FGF14: variants seen among roughly 807,000 people sequenced by gnomAD.
FGF14 encodes the protein fibroblast growth factor homologous factor 4.
FGF14 carries 5 observed loss-of-function variants against 25.5 expected under a neutral mutation model. That is an observed-to-expected ratio of 0.20 (90% CI 0.10 to 0.41). The LOEUF (loss-of-function observed/expected upper bound fraction) is 0.41. FGF14 is among the 10% of genes least tolerant of loss of function. FGF14 has a pLI of 1.00. For synonymous variants in FGF14, 138 were observed against 118.3 expected, an observed-to-expected ratio of 1.17 and a Z score of -1.08; for missense variants, 222 against 320.1, an observed-to-expected ratio of 0.69 and a Z score of 2.34.
chr13:101,933,568 A>G (rs1234903725), intron 1 of FGF14, among the ~76,000 whole-genome samples: 1 of 152,174 alleles, frequency 6.6e-6, no homozygotes, highest in African/African-American at 2.4e-5. Context: ...TACTAAAAAT[A>G]CAAAAATTAT....
intron 1 of FGF14, among the ~76,000 whole-genome samples, chr13:102,376,235 G>C (rs1174820365): frequency 1.3e-5 from 2 of 151,924 alleles, no homozygotes; most frequent in African/African-American, 4.8e-5. Context: ...AGATCTGACG[G>C]TTTATACATG....
At chr13:101,993,139 T>C (rs2038994005) in intron 1 of FGF14, among the ~76,000 whole-genome samples, 1 of 151,472 alleles carries the variant, frequency 6.6e-6, no homozygotes, top group Admixed American at 6.6e-5. Flanking sequence ...GACTTCTCTT[T>C]AGAAATCACA....
chr13:101,966,713 C>T (rs1427249571), intron 1 of FGF14, among the ~76,000 whole-genome samples: 1 of 152,102 alleles, frequency 6.6e-6, no homozygotes, highest in Non-Finnish European at 1.5e-5. Context: ...GAACCCCTGA[C>T]CTCATGATCC....
At chr13:102,379,157 C>T (rs2058117348) in intron 1 of FGF14, among the ~76,000 whole-genome samples, 1 of 152,036 alleles carries the variant, frequency 6.6e-6, no homozygotes, top group Admixed American at 6.6e-5. Context: ...CATCAAAAAT[C>T]TCTATAAAGT....
intron 1 of FGF14, among the ~76,000 whole-genome samples, chr13:102,289,461 A>G (rs2054269769): frequency 6.6e-6 from 1 of 152,208 alleles, no homozygotes. Context: ...GTTGGACATT[A>G]TAACATGAAA....
chr13:102,348,735 T>G (rs535258373), intron 1 of FGF14, among the ~76,000 whole-genome samples: 3 of 152,186 alleles, frequency 2.0e-5, no homozygotes, highest in African/African-American at 7.2e-5. Context: ...ATCAGAGAGA[T>G]CAAGAAACCA....
chr13:101,727,099 A>C (rs1227781140), intron 3 of FGF14, among the ~76,000 whole-genome samples: 9 of 152,172 alleles, frequency 5.9e-5, no homozygotes. Context: ...CAACCAGAGT[A>C]TAATCAGAAA....
At chr13:102,368,510 A>C (rs865839910) in intron 1 of FGF14, among the ~76,000 whole-genome samples, 5 of 152,174 alleles carry the variant, frequency 3.3e-5, no homozygotes, top group Non-Finnish European at 2.9e-5. Context: ...TTTTCCCCTC[A>C]TCGGACCTTC....
At chr13:102,332,096 T>C (rs1282927303) in intron 1 of FGF14, among the ~76,000 whole-genome samples, 2 of 150,768 alleles carry the variant, frequency 1.3e-5, no homozygotes, top group Non-Finnish European at 2.9e-5. Flanking sequence ...TTTTCTCCTC[T>C]TTGTACTAAA....
At chr13:102,305,314 GACTTTAA>G (rs1483928931) in intron 1 of FGF14, among the ~76,000 whole-genome samples, 1 of 151,844 alleles carries the variant, frequency 6.6e-6, no homozygotes, top group Non-Finnish European at 1.5e-5. Flanking sequence ...GAGCTCCAAT[GACTTTAA>G]ACTTTAAACT....
At chr13:101,789,367 A>G (rs1023976665) in intron 3 of FGF14, among the ~76,000 whole-genome samples, 5 of 152,044 alleles carry the variant, frequency 3.3e-5, no homozygotes, top group African/African-American at 1.2e-4. Context: ...TCAGAGATTC[A>G]TAGGTGCCTT....
At position 101,795,007 on chromosome 13, in the gene FGF14, T is replaced by C. The variant is rs115509908; in HGVS notation, c.409-68197A>G. 3.8e-3 allele frequency among the ~76,000 whole-genome samples: 572 copies of C among 152,302 alleles called. 3 individuals carry two copies. The highest frequency in any genetic ancestry group is 0.013 in the African/African-American group (523 of 41,580). On this transcript the variant is annotated intron_variant, in intron 3 of 4. Transcript: ENST00000376143. ...CTGCATAAATGCAGCAAAACCTTTATTGTCACATATTAAAACATGTACATT... is the reference window on the plus strand; with the variant it reads ...CTGCATAAATGCAGCAAAACCTTTACTGTCACATATTAAAACATGTACATT...
chr13:101,998,011 G>A (rs1350766629), intron 1 of FGF14, among the ~76,000 whole-genome samples: 2 of 152,084 alleles, frequency 1.3e-5, no homozygotes, highest in African/African-American at 2.4e-5. Context: ...TGCGTGGCCA[G>A]AGCAGCTACA....
intron 1 of FGF14, among the ~76,000 whole-genome samples, chr13:102,219,084 T>C (rs2050498178): frequency 6.6e-6 from 1 of 152,240 alleles, no homozygotes; most frequent in South Asian, 2.1e-4. Flanking sequence ...GTGTTACAAA[T>C]ATTCCAATTA....
intron 3 of FGF14, among the ~76,000 whole-genome samples, chr13:101,808,189 A>G (rs1040103137): frequency 6.6e-6 from 1 of 152,090 alleles, no homozygotes; most frequent in Admixed American, 6.6e-5. Context: ...AGTGATTTGC[A>G]GTGTTAATTA....
At chr13:102,282,916 TTA>T (rs1355500234) in intron 1 of FGF14, among the ~76,000 whole-genome samples, 1 of 151,978 alleles carries the variant, frequency 6.6e-6, no homozygotes, top group Non-Finnish European at 1.5e-5. Flanking sequence ...TTTTATTAAG[TTA>T]TGTTTATTAA....
At chr13:102,297,898 G>A (rs2054811402) in intron 1 of FGF14, among the ~76,000 whole-genome samples, 1 of 152,012 alleles carries the variant, frequency 6.6e-6, no homozygotes. Flanking sequence ...TCAATGTGAT[G>A]GTGCCCGTGG....
At chr13:101,781,896 C>T (rs2039511683) in intron 3 of FGF14, among the ~76,000 whole-genome samples, 1 of 152,184 alleles carries the variant, frequency 6.6e-6, no homozygotes, top group Non-Finnish European at 1.5e-5. Flanking sequence ...GCCAAACCAG[C>T]AATTGAATCA....
Position 101,984,415 on chromosome 13 carries a change from AATCT to A in FGF14, c.209-109123_209-109120del, listed in dbSNP as rs1314970417. ...TTTATTTTTTAAACTCTCTTTAAAA[AATCT>A]ATCTAGTACTTGATTTTCAATCTGT... On this transcript the variant is annotated intron_variant, in intron 1 of 4. Coordinates refer to the FGF14 transcript ENST00000376131. Among the ~76,000 whole-genome samples the A allele has an allele frequency of 2.0e-5, 3 of 152,134 alleles. No individual in the cohort carries two copies. The East Asian group carries it at 5.8e-4, about 29-fold the overall frequency.
Sources: allele counts gnomAD v4.1 joint callset (sites outside exome capture counted in the v4.1 genomes callset), GRCh38; gene constraint gnomAD v4.1.1; transcripts MANE v1.5; gene names NCBI Gene and HGNC (gene_info 2026-07-23, HGNC 2026-07-21).